The following CARMIL1 variants were observed in gnomAD, a reference collection of about 807,000 sequenced individuals.
CARMIL1 encodes F-actin-uncapping protein LRRC16A.
In CARMIL1, 90 loss-of-function variants were observed where a neutral mutation model predicts 177.1. The ratio of observed to expected loss-of-function variants is 0.51; its 90% confidence interval spans 0.43 to 0.61. The LOEUF (loss-of-function observed/expected upper bound fraction) is 0.61. Ranked by LOEUF, CARMIL1 falls within the 20% of genes least tolerant of loss-of-function variation. CARMIL1 has a pLI of 0.00. For synonymous variants in CARMIL1, 577 were observed against 606.2 expected (o/e 0.95, Z 0.71); for missense variants, 1,380 against 1,667.0 (o/e 0.83, Z 3.00).
intron 2 of CARMIL1, among the ~76,000 whole-genome samples, chr6:25,338,162 C>T (rs1403608201): frequency 1.3e-5 from 2 of 151,924 alleles, no homozygotes; most frequent in Non-Finnish European, 2.9e-5. Context: ...GAGGCTGAGT[C>T]AGGAGAATCG....
At position 25,562,437 on chromosome 6, in the gene CARMIL1, T is replaced by TG. The variant is rs1811208543; in HGVS notation, c.2742+5591dup. Among the ~76,000 whole-genome samples the TG allele has an allele frequency of 2.0e-5, 3 of 151,860 alleles. No homozygotes were observed. In the South Asian group the frequency reaches 6.2e-4, roughly 31 times the overall value. On this transcript the variant is annotated intron_variant, in intron 29 of 36. Transcript: ENST00000329474. ...TAATTTTTGTATTTTTTAGTAGAGATGGGGTTTCACCATCTTGGCCAGTCT... is the reference window on the plus strand; with the variant it reads ...TAATTTTTGTATTTTTTAGTAGAGATGGGGGTTTCACCATCTTGGCCAGTCT...
chr6:25,356,047 CTTCT>C (rs1788565501), intron 2 of CARMIL1, among the ~76,000 whole-genome samples: 2 of 129,550 alleles, frequency 1.5e-5, no homozygotes, highest in Non-Finnish European at 3.2e-5. Flanking sequence ...CCTTCTAAGA[CTTCT>C]TTTTTTTTTT....
At chr6:25,340,859 G>T (rs1389352373) in intron 2 of CARMIL1, among the ~76,000 whole-genome samples, 2 of 142,800 alleles carry the variant, frequency 1.4e-5, no homozygotes, top group Non-Finnish European at 3.0e-5. Flanking sequence ...CAGGAAAGGA[G>T]TTAGGAAATT....
At chr6:25,349,815 A>G (rs960565229) in intron 2 of CARMIL1, among the ~76,000 whole-genome samples, 1 of 147,708 alleles carries the variant, frequency 6.8e-6, no homozygotes, top group Non-Finnish European at 1.5e-5. Flanking sequence ...TGCAACCTCC[A>G]ACTCCCTGGT....
Position 25,364,572 on chromosome 6 carries a change from C to CTTTT in CARMIL1, c.139-55537_139-55534dup, listed in dbSNP as rs199573991. Among the ~76,000 whole-genome samples the CTTTT allele has an allele frequency of 0.013, 1,922 of 150,562 alleles. 65 individuals carry two copies. The East Asian group carries it at 0.14, about 11-fold the overall frequency. ...ATATGGATTCTTTTTTCTTTTTCTT[C>CTTTT]TTTTTTTTGAGACAGAGTTTCTGTC... is the stretch of plus-strand genomic sequence containing the variant. On this transcript the variant is annotated intron_variant, in intron 2 of 36. Transcript: ENST00000329474.
intron 2 of CARMIL1, among the ~76,000 whole-genome samples, chr6:25,359,857 G>A (rs1418487794): frequency 6.6e-6 from 1 of 152,172 alleles, no homozygotes; most frequent in Non-Finnish European, 1.5e-5. Context: ...GTTTAGCCAA[G>A]TCTGGCTGAA....
chr6:25,538,621 T>C (rs969669722), intron 25 of CARMIL1, among the ~76,000 whole-genome samples: 3 of 152,222 alleles, frequency 2.0e-5, no homozygotes, highest in Non-Finnish European at 4.4e-5. Context: ...TCTTTGTCCC[T>C]GGTTCCTGAA....
intron 23 of CARMIL1, among the ~76,000 whole-genome samples, chr6:25,527,862 G>A (rs185976244): frequency 4.5e-4 from 69 of 152,238 alleles, no homozygotes; most frequent in African/African-American, 1.6e-3. Context: ...AATACTTAGC[G>A]CTTCAGAGTT....
intron 31 of CARMIL1, among the ~76,000 whole-genome samples, chr6:25,587,424 T>A (rs973615764): frequency 9.2e-5 from 14 of 152,120 alleles, no homozygotes; most frequent in East Asian, 1.9e-4. Context: ...GGGTTTTTTT[T>A]AAAAAACCTG....
At chr6:25,618,588 G>C (rs1028561661) in intron 36 of CARMIL1, among the ~76,000 whole-genome samples, 1 of 152,196 alleles carries the variant, frequency 6.6e-6, no homozygotes, top group African/African-American at 2.4e-5. Context: ...TGGAGAGACA[G>C]ATCTAGTTTA....
chr6:25,517,466 A>G (rs1806114718), intron 22 of CARMIL1, 51 bp downstream of exon 22: 2 of 1,374,162 alleles, frequency 1.5e-6, no homozygotes, highest in Non-Finnish European at 2.1e-6. Context: ...ACAAAAACCA[A>G]TGGTATATAT....
chr6:25,547,064 T>TTAA (rs1276847330), intron 26 of CARMIL1, among the ~76,000 whole-genome samples: 6 of 151,826 alleles, frequency 4.0e-5, no homozygotes, highest in Non-Finnish European at 7.4e-5. Flanking sequence ...TCTCAGAATA[T>TTAA]TAATAATAAT....
intron 2 of CARMIL1, among the ~76,000 whole-genome samples, chr6:25,415,445 C>T (rs1795270869): frequency 6.6e-6 from 1 of 151,542 alleles, no homozygotes; most frequent in Non-Finnish European, 1.5e-5. Context: ...GGTCACCTGA[C>T]TCCCTCCCTC....
rs1156468264 is a variant in CARMIL1, at chr6:25,604,834, C to G, written c.3575C>G (p.Ser1192Cys). The change falls in exon 34 of 37, where the codon TCC (serine) becomes TGC (cysteine). Residue 1192 changes from serine to cysteine, a missense_variant. By Grantham distance (112) the Ser-to-Cys change is moderately radical. Transcript: ENST00000329474. ...AQKKLGNDAV[S>C]QDSSSPALSG... ...TAGAAGCTTGGGAATGATGCCGTAT[C>G]CCAGGATTCTTCCAGCCCAGCTTTG... is the stretch of plus-strand genomic sequence containing the variant. 1 of 1,595,024 alleles carries G rather than the reference C, an allele frequency of 6.3e-7. No individual in the cohort carries two copies. Among genetic ancestry groups the G allele is most frequent in the Non-Finnish European group, 8.5e-7 (1 of 1,171,190 alleles).
chr6:25,608,581 T>C (rs528607927), intron 35 of CARMIL1, among the ~76,000 whole-genome samples: 10 of 152,344 alleles, frequency 6.6e-5, no homozygotes, highest in African/African-American at 2.4e-4. Context: ...AAATGTGTTA[T>C]TTCATAGCAC....
intron 8 of CARMIL1, among the ~76,000 whole-genome samples, chr6:25,456,041 C>T (rs1265049044): frequency 1.3e-5 from 2 of 152,200 alleles, no homozygotes; most frequent in Non-Finnish European, 2.9e-5. Context: ...ATCTGCTCTT[C>T]TTCAGACATA....
intron 3 of CARMIL1, among the ~76,000 whole-genome samples, chr6:25,424,869 C>T (rs1460034448): frequency 6.6e-6 from 1 of 152,116 alleles, no homozygotes; most frequent in Non-Finnish European, 1.5e-5. Flanking sequence ...GGAAGCCATA[C>T]TTGTGAGTAT....
At chr6:25,594,151 C>T (rs9295665) in intron 31 of CARMIL1, among the ~76,000 whole-genome samples, 28,130 of 152,084 alleles carry the variant, frequency 0.18, 2,840 homozygotes, top group East Asian at 0.41. Context: ...TCGACTCGTC[C>T]TATCTGTTAG....
At chr6:25,351,225 A>C (rs1167782540) in intron 2 of CARMIL1, among the ~76,000 whole-genome samples, 1 of 151,690 alleles carries the variant, frequency 6.6e-6, no homozygotes. Context: ...TGTGAAACAA[A>C]GGATGTAAAA....
Sources: gnomAD v4.1 joint callset for allele counts (sites outside exome capture counted in the v4.1 genomes callset) on GRCh38, gnomAD v4.1.1 for gene constraint, MANE v1.5 for transcripts, NCBI Gene and HGNC (gene_info 2026-07-23, HGNC 2026-07-21) for gene names.